UNC13C: variants seen among roughly 807,000 people sequenced by gnomAD.
UNC13C encodes protein unc-13 homolog C.
Under a neutral mutation model 245.4 loss-of-function variants are expected in UNC13C, and 174 were observed. The ratio of observed to expected loss-of-function variants is 0.71; its 90% CI spans 0.63 to 0.80. The LOEUF is 0.80. Ranked by LOEUF, UNC13C falls within the 30% of genes least tolerant of loss-of-function variation. The probability of loss-of-function intolerance (pLI) is 0.00; values close to 1 mark genes in which losing one functional copy is unlikely to be tolerated. For missense variants in UNC13C, 2,829 were observed against 2,602.9 expected, an observed-to-expected ratio of 1.09 and a Z score of -1.89; for synonymous variants, 992 against 895.1, an observed-to-expected ratio of 1.11 and a Z score of -1.93.
chr15:54,468,629 G>T (rs901304815), intron 19 of UNC13C, among the ~76,000 whole-genome samples: 1 of 151,590 alleles, frequency 6.6e-6, no homozygotes, highest in African/African-American at 2.4e-5. Flanking sequence ...CTTGTATAAG[G>T]GGTGAGTTAA....
chr15:54,601,513 G>A (rs558179656), intron 30 of UNC13C, among the ~76,000 whole-genome samples: 1 of 152,326 alleles, frequency 6.6e-6, no homozygotes, highest in Non-Finnish European at 1.5e-5. Flanking sequence ...GACACAAAAT[G>A]TGGGCAAAGT....
At chr15:54,161,071 TA>T (rs1445136068) in intron 4 of UNC13C, among the ~76,000 whole-genome samples, 1 of 152,172 alleles carries the variant, frequency 6.6e-6, no homozygotes, top group Non-Finnish European at 1.5e-5. Flanking sequence ...TGGATTGTTG[TA>T]AAAGAAATAT....
the UNC13C span, among the ~76,000 whole-genome samples, chr15:53,934,620 G>T: frequency 6.6e-6 from 1 of 152,168 alleles, no homozygotes; most frequent in Non-Finnish European, 1.5e-5. Flanking sequence ...GTCGTAGAAG[G>T]TATATGTCTT....
intron 2 of UNC13C, chr15:54,048,655 G>T: frequency 2.8e-6 from 1 of 354,724 alleles, no homozygotes; most frequent in South Asian, 2.9e-5. Flanking sequence ...ATAGCAGCTA[G>T]ACAAGCTCAC....
At chr15:54,010,958 C>T (rs1028160181) in intron 1 of UNC13C, among the ~76,000 whole-genome samples, 3 of 152,058 alleles carry the variant, frequency 2.0e-5, no homozygotes, top group Non-Finnish European at 4.4e-5. Flanking sequence ...GGTGGAGATA[C>T]TAAGTGGCTG....
chr15:54,127,711 G>GTA (rs918058632), intron 2 of UNC13C, among the ~76,000 whole-genome samples: 56 of 140,060 alleles, frequency 4.0e-4, no homozygotes, highest in South Asian at 1.1e-3. Flanking sequence ...GTGTGTGTGT[G>GTA]TATATATATA....
chr15:53,868,303 C>G, the UNC13C span, among the ~76,000 whole-genome samples: 1 of 152,216 alleles, frequency 6.6e-6, no homozygotes, highest in Non-Finnish European at 1.5e-5. Flanking sequence ...GTATTACATT[C>G]TTGGACTGAT....
At chr15:53,943,428 C>T in the UNC13C span, among the ~76,000 whole-genome samples, 1 of 152,044 alleles carries the variant, frequency 6.6e-6, no homozygotes, top group Non-Finnish European at 1.5e-5. Context: ...AGAATTATCT[C>T]CTCTAGTTTC....
At chr15:54,288,859 T>C (rs573129591) in intron 10 of UNC13C, among the ~76,000 whole-genome samples, 1 of 152,202 alleles carries the variant, frequency 6.6e-6, no homozygotes, top group South Asian at 2.1e-4. Flanking sequence ...GGCTCCTCTG[T>C]TCTGATCAAT....
intron 4 of UNC13C, among the ~76,000 whole-genome samples, chr15:54,181,252 G>A (rs908595076): frequency 6.6e-6 from 1 of 151,968 alleles, no homozygotes. Context: ...TTATTGAATA[G>A]GGAGTCCTTC....
intron 4 of UNC13C, among the ~76,000 whole-genome samples, chr15:54,156,204 T>A (rs1438496006): frequency 6.6e-6 from 1 of 152,170 alleles, no homozygotes; most frequent in Admixed American, 6.6e-5. Context: ...TAGAAAGACA[T>A]TAGTCTCCAG....
chr15:54,389,407 C>A (rs914498395), intron 17 of UNC13C, among the ~76,000 whole-genome samples: 3 of 152,326 alleles, frequency 2.0e-5, no homozygotes, highest in East Asian at 3.9e-4. Flanking sequence ...GACCTAGCAA[C>A]CTGTCTGTGT....
intron 25 of UNC13C, among the ~76,000 whole-genome samples, chr15:54,529,077 G>A (rs1895618694): frequency 6.6e-6 from 1 of 152,132 alleles, no homozygotes; most frequent in Admixed American, 6.6e-5. Context: ...CAAGAAATGA[G>A]ACAAATTCAA....
chr15:54,082,010 C>T (rs1168775693), intron 2 of UNC13C, among the ~76,000 whole-genome samples: 2 of 152,134 alleles, frequency 1.3e-5, no homozygotes, highest in Non-Finnish European at 2.9e-5. Flanking sequence ...ATTTGCTTGC[C>T]TGGGAAAAGT....
chr15:54,545,464 A>G (rs927348712), intron 26 of UNC13C, among the ~76,000 whole-genome samples: 1 of 152,198 alleles, frequency 6.6e-6, no homozygotes, highest in African/African-American at 2.4e-5. Context: ...TAATTAAACT[A>G]AAGAGCTTCT....
At chr15:54,312,421 G>A (rs1383905705) in intron 13 of UNC13C, among the ~76,000 whole-genome samples, 1 of 151,578 alleles carries the variant, frequency 6.6e-6, no homozygotes, top group Non-Finnish European at 1.5e-5. Context: ...TTAGACTGGG[G>A]GAAAATATTT....
chr15:54,478,161 T>G (rs2075998065), intron 19 of UNC13C, among the ~76,000 whole-genome samples: 1 of 151,276 alleles, frequency 6.6e-6, no homozygotes, highest in South Asian at 2.1e-4. Context: ...TGATATCCCC[T>G]TTATCATTTT....
chr15:53,959,755 A>G, the UNC13C span, among the ~76,000 whole-genome samples: 13 of 152,326 alleles, frequency 8.5e-5, no homozygotes, highest in East Asian at 2.5e-3. Flanking sequence ...GGGAAACTCA[A>G]TATAATATAG....
intron 2 of UNC13C, chr15:54,050,203 C>G (rs1897217550): frequency 1.9e-6 from 1 of 518,216 alleles, no homozygotes; most frequent in African/African-American, 1.9e-5. Context: ...AACTCCTGAC[C>G]TCAGGTGATC....
Sources: allele counts gnomAD v4.1 joint callset (sites outside exome capture counted in the v4.1 genomes callset), GRCh38; gene constraint gnomAD v4.1.1; transcripts MANE v1.5; gene names NCBI Gene and HGNC (gene_info 2026-07-23, HGNC 2026-07-21).